DNAJC5B: variants seen among roughly 807,000 people sequenced by gnomAD.
DNAJC5B encodes dnaJ homolog subfamily C member 5B.
In DNAJC5B, 23 loss-of-function variants were observed where a neutral mutation model predicts 24.7. That is an observed-to-expected ratio of 0.93 (90% confidence interval 0.67 to 1.32). The LOEUF is 1.32. Among genes scored for constraint, DNAJC5B ranks in the 40% most tolerant of loss-of-function variants. The pLI is 0.00. For missense variants in DNAJC5B, 238 were observed against 240.8 expected, an observed-to-expected ratio of 0.99 and a Z score of 0.08; for synonymous variants, 101 against 90.1, an observed-to-expected ratio of 1.12 and a Z score of -0.68.
chr8:66,093,162 C>T (rs1807882099), intron 5 of DNAJC5B, among the ~76,000 whole-genome samples: 1 of 152,166 alleles, frequency 6.6e-6, no homozygotes, highest in African/African-American at 2.4e-5. Context: ...CATTTGAGTA[C>T]TGTCCACTTT....
At chr8:66,035,019 C>T (rs961213) in intron 1 of DNAJC5B, among the ~76,000 whole-genome samples, 38 of 152,264 alleles carry the variant, frequency 2.5e-4, no homozygotes, top group African/African-American at 6.7e-4. Context: ...TTTTAGCTAT[C>T]GACATTTTTC....
chr8:66,018,754 A>T (rs1413447204), upstream of DNAJC5B, among the ~76,000 whole-genome samples: 2 of 140,624 alleles, frequency 1.4e-5, no homozygotes, highest in Non-Finnish European at 3.1e-5. Flanking sequence ...TATATATATA[A>T]AGTAGGTGAT....
intron 5 of DNAJC5B, among the ~76,000 whole-genome samples, chr8:66,088,896 C>T (rs1807786901): frequency 6.6e-6 from 1 of 152,162 alleles, no homozygotes; most frequent in Non-Finnish European, 1.5e-5. Flanking sequence ...CCCACATCTT[C>T]CTGTCTTCTT....
chr8:66,076,792 A>G lies in DNAJC5B; in HGVS notation c.252A>G (p.Gly84=), dbSNP rs755862990. 2 of 1,614,228 alleles carry G rather than the reference A, an allele frequency of 1.2e-6. No homozygotes were observed. Among genetic ancestry groups the G allele is most frequent in the Non-Finnish European group, 1.7e-6 (2 of 1,180,032 alleles). The change falls in exon 4 of 6, where the codon GGA becomes GGG. Residue 84 remains glycine, a synonymous_variant. Transcript: ENST00000276570. ...AGAGAAGCATATACGACAAGTACGG[A>G]TCGCTGGGACTCTACGTGGCCGAGC... ...ISKRSIYDKY[G]SLGLYVAEQF... is the part of the protein sequence containing the mutation.
intron 3 of DNAJC5B, 70 bp from the exon 4 acceptor site, chr8:66,076,590 C>A: frequency 2.0e-6 from 3 of 1,490,704 alleles, no homozygotes; most frequent in East Asian, 2.3e-5. Flanking sequence ...ATGAACAGTG[C>A]CCTTCTAAAA....
intron 5 of DNAJC5B, among the ~76,000 whole-genome samples, chr8:66,091,171 A>C (rs2128966513): frequency 6.6e-6 from 1 of 152,328 alleles, no homozygotes; most frequent in East Asian, 1.9e-4. Flanking sequence ...GAGGAAATGA[A>C]GACATAGTTC....
intron 2 of DNAJC5B, among the ~76,000 whole-genome samples, chr8:66,049,661 G>A (rs964616528): frequency 1.3e-5 from 2 of 152,178 alleles, no homozygotes; most frequent in African/African-American, 4.8e-5. Flanking sequence ...TCGTTAAGTG[G>A]TGCGTAACTG....
At chr8:66,041,622 T>A (rs2128957914) in intron 1 of DNAJC5B, among the ~76,000 whole-genome samples, 1 of 152,350 alleles carries the variant, frequency 6.6e-6, no homozygotes, top group East Asian at 1.9e-4. Flanking sequence ...GAAGATATAC[T>A]AAGTTCTTTT....
chr8:66,071,391 GT>G (rs1194034700), intron 3 of DNAJC5B, among the ~76,000 whole-genome samples: 1 of 152,072 alleles, frequency 6.6e-6, no homozygotes, highest in East Asian at 1.9e-4. Flanking sequence ...GTGGGCAAAG[GT>G]TATGAACAGA....
In DNAJC5B at chr8:66,076,791, G is replaced by T. The variant is rs752225988; in HGVS notation, c.251G>T (p.Gly84Val). The change falls in exon 4 of 6, where the codon GGA (glycine) becomes GTA (valine). Residue 84 changes from glycine to valine, a missense_variant. Coordinates refer to ENST00000276570, the MANE Select transcript of DNAJC5B (RefSeq NM_033105.6). ...AAGAGAAGCATATACGACAAGTACG[G>T]ATCGCTGGGACTCTACGTGGCCGAG... ...ISKRSIYDKY[G>V]SLGLYVAEQF... The T allele has an allele frequency of 6.2e-7, 1 of 1,614,170 alleles. No homozygotes were observed. Among genetic ancestry groups the T allele is most frequent in the South Asian group, 1.1e-5 (1 of 91,076 alleles).
intron 1 of DNAJC5B, among the ~76,000 whole-genome samples, chr8:66,029,935 G>T (rs1230719860): frequency 1.3e-5 from 2 of 152,070 alleles, no homozygotes; most frequent in Non-Finnish European, 1.5e-5. Context: ...GTTGATATGG[G>T]GCCTGGATCT....
At chr8:66,020,653 T>TGTGTGTGTGTG (rs1307212128), upstream of DNAJC5B, among the ~76,000 whole-genome samples, 1 of 128,836 alleles carries the variant, frequency 7.8e-6, no homozygotes, top group African/African-American at 2.9e-5. Flanking sequence ...TGTGTGTGTG[T>TGTGTGTGTGTG]TTTAGACAAG....
chr8:66,027,472 A>T (rs1361149205), intron 1 of DNAJC5B, among the ~76,000 whole-genome samples: 1 of 152,200 alleles, frequency 6.6e-6, no homozygotes, highest in Non-Finnish European at 1.5e-5. Flanking sequence ...GAAGTGAAAG[A>T]TTCACTCTCA....
intron 1 of DNAJC5B, among the ~76,000 whole-genome samples, chr8:66,034,133 C>T (rs1216295236): frequency 6.6e-6 from 1 of 151,598 alleles, no homozygotes; most frequent in East Asian, 1.9e-4. Flanking sequence ...CCTATGTGAA[C>T]ACACTTTGTT....
intron 3 of DNAJC5B, among the ~76,000 whole-genome samples, chr8:66,052,681 G>T (rs1345096322): frequency 1.3e-5 from 2 of 152,172 alleles, no homozygotes; most frequent in East Asian, 3.9e-4. Context: ...AGTCCTCTAA[G>T]AATTCCATGA....
chr8:66,020,594 CTGTGTGTGTGTGTGTGTGTG>C (rs10526018), upstream of DNAJC5B, among the ~76,000 whole-genome samples: 225 of 132,460 alleles, frequency 1.7e-3, 1 homozygote, highest in East Asian at 5.9e-3. Context: ...AATCAATACT[CTGTGTGTGTGTGTGTGTGTG>C]TGTGTGTGTG....
At chr8:66,098,365 G>C (rs1808000155) in intron 5 of DNAJC5B, among the ~76,000 whole-genome samples, 1 of 151,922 alleles carries the variant, frequency 6.6e-6, no homozygotes, top group Non-Finnish European at 1.5e-5. Flanking sequence ...ACCACGCCCA[G>C]CTAATTTTTG....
intron 5 of DNAJC5B, 28 bp downstream of exon 5, chr8:66,080,576 G>A (rs1217211532): frequency 2.6e-6 from 4 of 1,559,378 alleles, no homozygotes; most frequent in South Asian, 2.4e-5. Context: ...CAGAGGTAGT[G>A]AGTGTCCATT....
At chr8:66,039,383 T>C (rs991459060) in intron 1 of DNAJC5B, among the ~76,000 whole-genome samples, 5 of 150,192 alleles carry the variant, frequency 3.3e-5, no homozygotes, top group Non-Finnish European at 5.9e-5. Flanking sequence ...AGTTTCTCTC[T>C]TGTTGCCCAG....
Sources: gnomAD v4.1 joint callset for allele counts (sites outside exome capture counted in the v4.1 genomes callset) on GRCh38, gnomAD v4.1.1 for gene constraint, MANE v1.5 for transcripts, NCBI Gene and HGNC (gene_info 2026-07-23, HGNC 2026-07-21) for gene names.